Variants in PRKAR2B observed in about 807,000 individuals in gnomAD.
PRKAR2B encodes cAMP-dependent protein kinase type II-beta regulatory subunit.
PRKAR2B carries 14 observed loss-of-function variants against 49.9 expected under a neutral mutation model. The ratio of observed to expected loss-of-function variants is 0.28; its 90% CI spans 0.19 to 0.44. The LOEUF (loss-of-function observed/expected upper bound fraction) is 0.44, where lower values mean the gene tolerates loss of function less well. PRKAR2B is among the 20% of genes least tolerant of loss of function. The probability of loss-of-function intolerance (pLI) is 1.00; values close to 1 mark genes in which losing one functional copy is unlikely to be tolerated. For missense variants in PRKAR2B, 393 were observed against 537.9 expected, an observed-to-expected ratio of 0.73 and a Z score of 2.67; for synonymous variants, 196 against 197.7, an observed-to-expected ratio of 0.99 and a Z score of 0.07.
chr7:107,052,145 C>T (rs568582576), intron 1 of PRKAR2B, among the ~76,000 whole-genome samples: 17 of 152,134 alleles, frequency 1.1e-4, no homozygotes, highest in East Asian at 1.9e-4. Context: ...AGGCCGGGCA[C>T]GGTGGCTCAT....
At chr7:107,105,490 G>A (rs1795054434) in intron 2 of PRKAR2B, among the ~76,000 whole-genome samples, 1 of 152,166 alleles carries the variant, frequency 6.6e-6, no homozygotes, top group African/African-American at 2.4e-5. Context: ...CCCAGTTATG[G>A]TACAAGACTG....
chr7:107,068,579 ATG>A (rs1794199149), intron 1 of PRKAR2B: 1 of 152,174 alleles, frequency 6.6e-6, no homozygotes, highest in African/African-American at 2.4e-5. Flanking sequence ...GTGCAAGTAT[ATG>A]ACTAAAGTAT....
chr7:107,075,135 G>A (rs1039321959), intron 2 of PRKAR2B, among the ~76,000 whole-genome samples: 18 of 148,316 alleles, frequency 1.2e-4, no homozygotes, highest in African/African-American at 4.0e-4. Flanking sequence ...ATGGAGTCTC[G>A]CTCTGTCACC....
chr7:107,048,755 T>G (rs958765145), intron 1 of PRKAR2B, among the ~76,000 whole-genome samples: 4 of 152,190 alleles, frequency 2.6e-5, no homozygotes, highest in African/African-American at 9.7e-5. Flanking sequence ...TTCCAAAGGA[T>G]CCCTTCCTCT....
intron 1 of PRKAR2B, among the ~76,000 whole-genome samples, chr7:107,058,685 A>G: frequency 6.6e-6 from 1 of 152,218 alleles, no homozygotes; most frequent in East Asian, 1.9e-4. Context: ...AATGGAATCC[A>G]AAAGGTATTT....
chr7:107,125,308 C>A (rs941150129), intron 3 of PRKAR2B, among the ~76,000 whole-genome samples: 1 of 152,156 alleles, frequency 6.6e-6, no homozygotes, highest in Non-Finnish European at 1.5e-5. Flanking sequence ...TCTTAACCTG[C>A]TTCATGGGAT....
chr7:107,072,394 G>C (rs1794297144), intron 2 of PRKAR2B, among the ~76,000 whole-genome samples: 1 of 152,048 alleles, frequency 6.6e-6, no homozygotes, highest in South Asian at 2.1e-4. Context: ...CTAATTTATG[G>C]AGTACCACTG....
At chr7:107,108,283 A>G (rs1393939719) in intron 2 of PRKAR2B, among the ~76,000 whole-genome samples, 1 of 152,204 alleles carries the variant, frequency 6.6e-6, no homozygotes, top group African/African-American at 2.4e-5. Context: ...TTCAAAACAG[A>G]CTAGGAAAGT....
At chr7:107,055,956 AT>A (rs1793903810) in intron 1 of PRKAR2B, among the ~76,000 whole-genome samples, 1 of 152,142 alleles carries the variant, frequency 6.6e-6, no homozygotes, top group African/African-American at 2.4e-5. Context: ...TAGGTCTAAC[AT>A]TTAAGTCTTT....
chr7:107,070,086 A>G, intron 1 of PRKAR2B, 195 bp from the exon 2 acceptor site: 3 of 452,842 alleles, frequency 6.6e-6, no homozygotes, highest in Non-Finnish European at 1.2e-5. Context: ...TAGGTAAAAT[A>G]CTGATTTCAA....
chr7:107,088,237 C>T (rs1009775243), intron 2 of PRKAR2B, among the ~76,000 whole-genome samples: 6 of 152,172 alleles, frequency 3.9e-5, no homozygotes, highest in East Asian at 1.9e-4. Flanking sequence ...TTCATAGGGG[C>T]GGAAACCTCG....
At chr7:107,080,084 A>G (rs1794487528) in intron 2 of PRKAR2B, among the ~76,000 whole-genome samples, 1 of 152,160 alleles carries the variant, frequency 6.6e-6, no homozygotes, top group Non-Finnish European at 1.5e-5. Context: ...ACTGCCTACG[A>G]TGGTGGCACA....
chr7:107,080,308 T>A (rs1258485615), intron 2 of PRKAR2B, among the ~76,000 whole-genome samples: 3 of 152,008 alleles, frequency 2.0e-5, no homozygotes, highest in African/African-American at 7.3e-5. Flanking sequence ...TGGAGAAGAA[T>A]CAAGTTTCAA....
intron 2 of PRKAR2B, among the ~76,000 whole-genome samples, chr7:107,096,015 C>T (rs967380042): frequency 7.9e-5 from 12 of 152,144 alleles, no homozygotes; most frequent in African/African-American, 2.7e-4. Context: ...ATGCTGGCCT[C>T]ATAAAATGAG....
At chr7:107,109,299 G>A (rs1302152785) in intron 2 of PRKAR2B, among the ~76,000 whole-genome samples, 1 of 151,954 alleles carries the variant, frequency 6.6e-6, no homozygotes, top group Non-Finnish European at 1.5e-5. Context: ...TCACTTTGTT[G>A]CCCAGGCTGG....
At chr7:107,091,351 A>G (rs1462260230) in intron 2 of PRKAR2B, among the ~76,000 whole-genome samples, 2 of 152,248 alleles carry the variant, frequency 1.3e-5, no homozygotes, top group African/African-American at 4.8e-5. Context: ...TAAGTAAGGT[A>G]TAGCTTGTGC....
intron 2 of PRKAR2B, chr7:107,077,390 A>G (rs1336030797): frequency 6.6e-6 from 1 of 152,190 alleles, no homozygotes; most frequent in Admixed American, 6.5e-5. Flanking sequence ...AATATCCTCA[A>G]AGTGAAAAGG....
intron 1 of PRKAR2B, among the ~76,000 whole-genome samples, chr7:107,065,940 G>A (rs995410555): frequency 2.6e-5 from 4 of 152,126 alleles, no homozygotes; most frequent in African/African-American, 4.8e-5. Context: ...GTAAGGACAC[G>A]GAAGGATTAA....
intron 2 of PRKAR2B, among the ~76,000 whole-genome samples, chr7:107,092,113 T>G (rs1794741501): frequency 6.6e-6 from 1 of 152,134 alleles, no homozygotes; most frequent in Non-Finnish European, 1.5e-5. Context: ...GTTTGGAATA[T>G]GTGGGCTTTA....
Sources: allele counts gnomAD v4.1 joint callset (sites outside exome capture counted in the v4.1 genomes callset), GRCh38; gene constraint gnomAD v4.1.1; transcripts MANE v1.5; gene names NCBI Gene and HGNC (gene_info 2026-07-23, HGNC 2026-07-21).